BABAM2: variants seen among roughly 807,000 people sequenced by gnomAD.
The protein encoded by BABAM2 is BRISC and BRCA1 A complex member 2, also known as BRISC and BRCA1-A complex member 2.
A neutral mutation model predicts 54.7 loss-of-function variants in BABAM2; 31 were observed. That is an observed-to-expected ratio of 0.57 (90% CI 0.43 to 0.77). BABAM2 has a LOEUF of 0.77. Ranked by LOEUF, BABAM2 falls within the 30% of genes least tolerant of loss-of-function variation. The probability of loss-of-function intolerance (pLI) is 0.00; values close to 1 mark genes in which losing one functional copy is unlikely to be tolerated. For synonymous variants in BABAM2, 167 were observed against 162.9 expected (o/e 1.03, Z -0.19); for missense variants, 364 against 455.8 (o/e 0.80, Z 1.83).
At chr2:28,240,608 AC>A (rs1682320112) in intron 8 of BABAM2, among the ~76,000 whole-genome samples, 2 of 152,102 alleles carry the variant, frequency 1.3e-5, no homozygotes, top group Admixed American at 6.6e-5. Context: ...AGTGGCTCAC[AC>A]CTGTAATCCT....
chr2:28,326,300 C>T (rs972006608), intron 11 of BABAM2, among the ~76,000 whole-genome samples: 8 of 152,192 alleles, frequency 5.3e-5, no homozygotes, highest in African/African-American at 1.2e-4. Flanking sequence ...CAGGCAGCCA[C>T]GTGGCCATCA....
intron 6 of BABAM2, among the ~76,000 whole-genome samples, chr2:28,095,657 A>G (rs187973687): frequency 1.3e-5 from 2 of 152,286 alleles, no homozygotes; most frequent in East Asian, 3.9e-4. Context: ...TGTGAAAAAG[A>G]TTTGGGGTAT....
intron 9 of BABAM2, among the ~76,000 whole-genome samples, chr2:28,243,753 C>T (rs560146953): frequency 1.8e-3 from 277 of 152,054 alleles, no homozygotes; most frequent in African/African-American, 6.6e-3. Context: ...AAAGAATTGT[C>T]GACTTAAGAT....
chr2:28,161,541 T>C (rs1329999997), intron 7 of BABAM2, among the ~76,000 whole-genome samples: 1 of 152,172 alleles, frequency 6.6e-6, no homozygotes, highest in Non-Finnish European at 1.5e-5. Flanking sequence ...CCCTTCTTCC[T>C]TTTATTCTGG....
At chr2:28,109,423 C>A (rs978624204) in intron 6 of BABAM2, among the ~76,000 whole-genome samples, 4 of 151,964 alleles carry the variant, frequency 2.6e-5, no homozygotes, top group Non-Finnish European at 5.9e-5. Context: ...CTCTTGACCT[C>A]GTGATCTGCC....
Position 28,033,448 on chromosome 2 carries a change from T to C in BABAM2, c.495+8028T>C, listed in dbSNP as rs186370443. 8.5e-5 allele frequency among the ~76,000 whole-genome samples: 13 copies of C among 152,242 alleles called. No individual in the cohort carries two copies. The East Asian group carries it at 1.4e-3, about 16-fold the overall frequency. Reference sequence around the variant, plus strand: ...GCATCTGATAAGAGCCTTCTTGATATTGGGGACTCTGTGCAGAGTCCTGAG... The same window carrying C: ...GCATCTGATAAGAGCCTTCTTGATACTGGGGACTCTGTGCAGAGTCCTGAG... On this transcript the variant is annotated intron_variant, in intron 5 of 11. Transcript: ENST00000379624.
intron 3 of BABAM2, among the ~76,000 whole-genome samples, chr2:27,938,096 T>C (rs533264023): frequency 6.6e-6 from 1 of 152,282 alleles, no homozygotes; most frequent in Non-Finnish European, 1.5e-5. Context: ...GGCACCTTTG[T>C]CAAAAATCAG....
chr2:27,991,428 G>A (rs1672768926), intron 4 of BABAM2, among the ~76,000 whole-genome samples: 1 of 152,168 alleles, frequency 6.6e-6, no homozygotes, highest in Non-Finnish European at 1.5e-5. Context: ...CACCTAAAGT[G>A]TGTAATTCAG....
chr2:27,890,342 C>T (rs1463646566), upstream of BABAM2: 2 of 1,613,232 alleles, frequency 1.2e-6, no homozygotes, highest in Non-Finnish European at 8.5e-7. The surrounding 1 kb of genome is among the most constrained non-coding windows in gnomAD (Gnocchi z 4.8). Context: ...CCAGACGCCG[C>T]CATCGCTCAA....
intron 7 of BABAM2, among the ~76,000 whole-genome samples, chr2:28,231,146 A>C (rs1373049460): frequency 6.6e-6 from 1 of 152,192 alleles, no homozygotes; most frequent in Non-Finnish European, 1.5e-5. Context: ...AAATGGGGCT[A>C]ATTAGGTCTA....
At chr2:28,019,868 C>G (rs1369549319) in intron 4 of BABAM2, among the ~76,000 whole-genome samples, 2 of 152,160 alleles carry the variant, frequency 1.3e-5, no homozygotes, top group Non-Finnish European at 2.9e-5. Flanking sequence ...TATTTTTATA[C>G]CAGTAACGTG....
chr2:28,244,331 A>T (rs1682722885), intron 9 of BABAM2, among the ~76,000 whole-genome samples: 1 of 152,240 alleles, frequency 6.6e-6, no homozygotes, highest in Non-Finnish European at 1.5e-5. Context: ...GTCAGACTTA[A>T]CAATCACTGT....
chr2:28,188,842 A>G (rs1573792307), intron 7 of BABAM2, among the ~76,000 whole-genome samples: 1 of 152,248 alleles, frequency 6.6e-6, no homozygotes, highest in Admixed American at 6.5e-5. Context: ...ATTGTAAGTT[A>G]GTATTGAACA....
chr2:28,183,739 T>TCTCA (rs1553336494), intron 7 of BABAM2, among the ~76,000 whole-genome samples: 142 of 133,212 alleles, frequency 1.1e-3, no homozygotes, highest in South Asian at 1.7e-3. Flanking sequence ...TGGATGAAGA[T>TCTCA]CACACACACA....
chr2:28,252,186 C>CAA (rs1280015583), intron 10 of BABAM2, among the ~76,000 whole-genome samples: 1,675 of 97,354 alleles, frequency 0.017, 24 homozygotes, highest in African/African-American at 0.057. Context: ...AACTCCATCT[C>CAA]AAAAAAAAAA....
chr2:27,981,375 G>A (rs1183817200), intron 3 of BABAM2, among the ~76,000 whole-genome samples: 1 of 152,126 alleles, frequency 6.6e-6, no homozygotes, highest in Admixed American at 6.5e-5. Context: ...TACATACCGT[G>A]CAGTTTACCC....
intron 3 of BABAM2, among the ~76,000 whole-genome samples, chr2:27,938,685 C>T (rs1483715088): frequency 1.3e-5 from 2 of 151,908 alleles, no homozygotes; most frequent in East Asian, 1.9e-4. Context: ...CCACTGTGCT[C>T]GGCCAGCTCT....
intron 10 of BABAM2, among the ~76,000 whole-genome samples, chr2:28,289,003 C>T (rs1436794320): frequency 6.6e-6 from 1 of 151,254 alleles, no homozygotes; most frequent in Non-Finnish European, 1.5e-5. Context: ...TTTCCTGACC[C>T]TCTTAGTTTT....
intron 2 of BABAM2, among the ~76,000 whole-genome samples, chr2:27,904,143 G>A (rs1000693496): frequency 6.6e-6 from 1 of 152,194 alleles, no homozygotes; most frequent in Non-Finnish European, 1.5e-5. Flanking sequence ...GTTGGAAGGT[G>A]TGAGAACAAT....
Sources: gnomAD v4.1 joint callset for allele counts (sites outside exome capture counted in the v4.1 genomes callset) on GRCh38, gnomAD v4.1.1 for gene constraint, Gnocchi (gnomAD v3.1) non-coding constraint, MANE v1.5 for transcripts, NCBI Gene and HGNC (gene_info 2026-07-23, HGNC 2026-07-21) for gene names.